Variants in ERLEC1 observed in about 807,000 individuals in gnomAD.
The protein encoded by ERLEC1 is endoplasmic reticulum lectin 1.
In ERLEC1, 47 loss-of-function variants were observed where a neutral mutation model predicts 68.0. The observed-to-expected ratio is 0.69, with a 90% CI of 0.55 to 0.88. The LOEUF is 0.88. Ranked by LOEUF, ERLEC1 falls within the 40% of genes least tolerant of loss-of-function variation. The pLI is 0.00. For synonymous variants in ERLEC1, 225 were observed against 203.2 expected, an observed-to-expected ratio of 1.11 and a Z score of -0.91; for missense variants, 567 against 583.8, an observed-to-expected ratio of 0.97 and a Z score of 0.30.
At chr2:53,812,018 A>G (rs944117327) in intron 10 of ERLEC1, among the ~76,000 whole-genome samples, 15 of 152,146 alleles carry the variant, frequency 9.9e-5, no homozygotes, top group African/African-American at 1.7e-4. Flanking sequence ...CCCAGGTTCA[A>G]GTGATTCTCC....
At chr2:53,804,369 G>A (rs1436665350) in intron 8 of ERLEC1, among the ~76,000 whole-genome samples, 1 of 151,650 alleles carries the variant, frequency 6.6e-6, no homozygotes, top group Non-Finnish European at 1.5e-5. Context: ...CATCTCCTGG[G>A]TTCAAGTGGT....
intron 10 of ERLEC1, among the ~76,000 whole-genome samples, chr2:53,809,537 C>T (rs1463533154): frequency 6.6e-6 from 1 of 152,102 alleles, no homozygotes; most frequent in Non-Finnish European, 1.5e-5. Context: ...TGTGGCTATA[C>T]CTCTTTTGCT....
At chr2:53,804,655 C>T (rs955703683) in intron 8 of ERLEC1, among the ~76,000 whole-genome samples, 2 of 152,132 alleles carry the variant, frequency 1.3e-5, no homozygotes, top group Non-Finnish European at 2.9e-5. Context: ...TCCCCTCAAG[C>T]ATTTGTCCTT....
In ERLEC1 at chr2:53,818,128, G is replaced by A. The variant is rs1676998508; in HGVS notation, c.*159G>A. The A allele has an allele frequency of 4.3e-6, 2 of 463,766 alleles. No individual in the cohort carries two copies. The highest frequency in any genetic ancestry group is 1.9e-5 in the African/African-American group (1 of 51,470). 28.7% of individuals were successfully genotyped at this position (463,766 alleles called of 1,614,324 possible). ...GTGAATACATATGTGTATATAAGAG[G>A]TTATTGATAAACTTCTGAGGCAGAC... On this transcript the variant is annotated 3_prime_UTR_variant, in exon 14 of 14. Coordinates refer to ENST00000185150, the MANE Select transcript of ERLEC1 (RefSeq NM_015701.5).
intron 2 of ERLEC1, among the ~76,000 whole-genome samples, chr2:53,795,313 C>T (rs1675631431): frequency 6.6e-6 from 1 of 152,154 alleles, no homozygotes; most frequent in Admixed American, 6.5e-5. Context: ...AACTGACTTC[C>T]TCCACTCAAT....
In ERLEC1 at chr2:53,787,357, C is replaced by T. The variant is rs1558586611; in HGVS notation, c.147C>T (p.Gly49=). Residue 49 remains glycine, a synonymous_variant, in exon 1 of 14, where the codon GGC becomes GGT. Coordinates refer to ENST00000185150, the MANE Select transcript of ERLEC1 (RefSeq NM_015701.5). ...TCCCTTTCCGAGTCAACTGGCCCGG[C>T]ACCGAGTTCTCTCTGGTCAGTGCCC... ...DDIPFRVNWP[G]TEFSLPTTGV... is the part of the protein sequence containing the mutation. 6.2e-7 allele frequency: 1 copy of T among 1,611,320 alleles called. No homozygotes were observed. Among genetic ancestry groups the T allele is most frequent in the Non-Finnish European group, 8.5e-7 (1 of 1,179,506 alleles).
intron 6 of ERLEC1, 64 bp downstream of exon 6, chr2:53,799,145 T>G: frequency 7.3e-7 from 1 of 1,362,362 alleles, no homozygotes; most frequent in South Asian, 1.2e-5. Flanking sequence ...TGAATTTATA[T>G]AACCCAAGTG....
intron 1 of ERLEC1, chr2:53,787,601 C>T (rs1675123853): frequency 2.4e-6 from 1 of 420,828 alleles, no homozygotes; most frequent in Non-Finnish European, 4.1e-6. Flanking sequence ...TGCTCTCCAC[C>T]TTTTCAATTC....
At chr2:53,801,356 A>G in intron 6 of ERLEC1, 41 bp from the exon 7 acceptor site, 1 of 1,506,442 alleles carries the variant, frequency 6.6e-7, no homozygotes, top group Non-Finnish European at 9.2e-7. Flanking sequence ...TCCCATCTCC[A>G]TGTCTAATGA....
In ERLEC1 at chr2:53,812,342, G is replaced by C. The variant is rs538753228; in HGVS notation, c.1102-607G>C. Among the ~76,000 whole-genome samples the C allele has an allele frequency of 5.5e-4, 84 of 152,126 alleles. 1 individual carries two copies. The highest frequency in any genetic ancestry group is 2.0e-3 in the African/African-American group (84 of 41,476). On this transcript the variant is annotated intron_variant, in intron 10 of 13. Coordinates refer to ENST00000185150, the MANE Select transcript of ERLEC1 (RefSeq NM_015701.5). ...AGGATAAGGAAGAAGAAAGAAGGAA[G>C]GATTTCCACATATAAGACAGTATAT...
intron 2 of ERLEC1, among the ~76,000 whole-genome samples, 193 bp downstream of exon 2, chr2:53,794,642 AT>A (rs757321616): frequency 2.0e-4 from 30 of 151,746 alleles, no homozygotes; most frequent in South Asian, 2.1e-4. Flanking sequence ...TTAGCAATCA[AT>A]TTTTTTTTAT....
chr2:53,816,645 T>C (rs1345043821), intron 13 of ERLEC1, among the ~76,000 whole-genome samples: 1 of 152,212 alleles, frequency 6.6e-6, no homozygotes, highest in Non-Finnish European at 1.5e-5. Flanking sequence ...TTATTCCTCT[T>C]TAATAGCTAA....
At chr2:53,808,186 G>T (rs1676399676) in intron 8 of ERLEC1, 113 bp from the exon 9 acceptor site, 3 of 1,126,718 alleles carry the variant, frequency 2.7e-6, no homozygotes, top group Non-Finnish European at 3.7e-6. Flanking sequence ...AAAAGCAAGT[G>T]GACAATTTAT....
chr2:53,787,225 C>T lies in ERLEC1; in HGVS notation c.15C>T (p.Gly5=), dbSNP rs1252682357. The part of the protein sequence containing the change: MEEG[G]GGVRSLVPGG... Reference sequence around the variant, plus strand: ...GGCGGCGGAGGATGGAGGAAGGAGGCGGCGGCGTACGGAGTCTGGTCCCGG... The same window carrying T: ...GGCGGCGGAGGATGGAGGAAGGAGGTGGCGGCGTACGGAGTCTGGTCCCGG... Residue 5 remains glycine, a synonymous_variant, in exon 1 of 14, where the codon GGC becomes GGT. Transcript: ENST00000185150. 1.2e-6 allele frequency: 2 copies of T among 1,602,446 alleles called. No homozygotes were observed. Among genetic ancestry groups the T allele is most frequent in the Non-Finnish European group, 8.5e-7 (1 of 1,177,924 alleles).
At chr2:53,809,730 G>A (rs1172165120) in intron 10 of ERLEC1, among the ~76,000 whole-genome samples, 1 of 152,062 alleles carries the variant, frequency 6.6e-6, no homozygotes, top group Non-Finnish European at 1.5e-5. Context: ...TCCAGCCAGG[G>A]TAACAGAGTG....
chr2:53,802,923 C>T (rs995565133), intron 8 of ERLEC1, among the ~76,000 whole-genome samples: 6 of 152,110 alleles, frequency 3.9e-5, no homozygotes, highest in African/African-American at 1.2e-4. Flanking sequence ...ATATTGTTTT[C>T]TTCTTCTCTT....
chr2:53,798,405 G>A (rs1437311585), intron 5 of ERLEC1, among the ~76,000 whole-genome samples: 2 of 151,676 alleles, frequency 1.3e-5, no homozygotes, highest in Non-Finnish European at 2.9e-5. Context: ...GGGACCACAG[G>A]CACATGCCAC....
chr2:53,808,135 C>G (rs1676396703), intron 8 of ERLEC1, among the ~76,000 whole-genome samples, 164 bp from the exon 9 acceptor site: 1 of 152,142 alleles, frequency 6.6e-6, no homozygotes, highest in South Asian at 2.1e-4. Context: ...GGAGCTTTCT[C>G]TATGCTAAGT....
chr2:53,814,620 A>C lies in ERLEC1; in HGVS notation c.1304A>C (p.Lys435Thr), dbSNP rs763166182. 2.5e-6 allele frequency: 4 copies of C among 1,606,066 alleles called. No homozygotes were observed. Among genetic ancestry groups the C allele is most frequent in the Non-Finnish European group, 3.4e-6 (4 of 1,173,858 alleles). Residue 435 changes from lysine (K) to threonine (T), a missense_variant and splice_region_variant, in exon 12 of 14, where the codon AAG (lysine) becomes ACG (threonine). Lys to Thr is a moderately conservative substitution (Grantham distance 78). Coordinates refer to ENST00000185150, the MANE Select transcript of ERLEC1 (RefSeq NM_015701.5). ...CCAAGACAGGTGACTGTAAAACTAA[A>C]GTAAGTTAGACCATCAAATCATGCT... The part of the protein sequence containing the change: ...DKPRQVTVKL[K>T]CKESDSPHAV...
Sources: gnomAD v4.1 joint callset for allele counts (sites outside exome capture counted in the v4.1 genomes callset) on GRCh38, gnomAD v4.1.1 for gene constraint, MANE v1.5 for transcripts, NCBI Gene and HGNC (gene_info 2026-07-23, HGNC 2026-07-21) for gene names.